ADAMTS14: variants seen among roughly 807,000 people sequenced by gnomAD.
ADAMTS14 encodes the protein ADAM metallopeptidase with thrombospondin type 1 motif 14, also known as A disintegrin and metalloproteinase with thrombospondin motifs 14.
In ADAMTS14, 100 loss-of-function variants were observed where a neutral mutation model predicts 128.6. The observed-to-expected ratio is 0.78, with a 90% CI of 0.66 to 0.92. The LOEUF (loss-of-function observed/expected upper bound fraction) is 0.92, where lower values mean the gene tolerates loss of function less well. ADAMTS14 is among the 40% of genes least tolerant of loss of function. The pLI is 0.00. For missense variants in ADAMTS14, 1,562 were observed against 1,658.6 expected, an observed-to-expected ratio of 0.94 and a Z score of 1.01; for synonymous variants, 665 against 653.8, an observed-to-expected ratio of 1.02 and a Z score of -0.26.
intron 6 of ADAMTS14, among the ~76,000 whole-genome samples, chr10:70,731,225 A>G (rs1007786419): frequency 2.0e-5 from 3 of 152,088 alleles, no homozygotes; most frequent in Non-Finnish European, 4.4e-5. Context: ...GAGACACTGC[A>G]TACATGTAGA....
At chr10:70,689,651 T>C (rs373788991) in intron 2 of ADAMTS14, among the ~76,000 whole-genome samples, 1 of 145,666 alleles carries the variant, frequency 6.9e-6, no homozygotes, top group East Asian at 1.9e-4. Context: ...CTCCTGTCTC[T>C]CCCAGATGAT....
chr10:70,689,156 GC>G (rs1210934683), intron 2 of ADAMTS14, among the ~76,000 whole-genome samples: 2 of 142,954 alleles, frequency 1.4e-5, no homozygotes, highest in African/African-American at 4.9e-5. Context: ...CATAGTCCCC[GC>G]GTAGGGAGAT....
intron 4 of ADAMTS14, among the ~76,000 whole-genome samples, chr10:70,720,174 C>G (rs1014800313): frequency 3.9e-5 from 6 of 152,194 alleles, no homozygotes; most frequent in African/African-American, 1.4e-4. Flanking sequence ...GACAGTCACC[C>G]TTTAAGAGGT....
intron 15 of ADAMTS14, among the ~76,000 whole-genome samples, chr10:70,746,440 G>A (rs1842180082): frequency 6.6e-6 from 1 of 152,180 alleles, no homozygotes; most frequent in African/African-American, 2.4e-5. Flanking sequence ...GAGGCATGAC[G>A]GCTAATGGGT....
Position 70,760,833 on chromosome 10 carries a change from G to T in ADAMTS14, c.3652G>T (p.Ala1218Ser). ...GAGACATCCCGGCACCAGCCTCCCT[G>T]CTGCCTCCCCGGTGACATGAGCTGT... ...DLRHPGTSLP[A>S]ASPVT Residue 1218 changes from alanine (A) to serine (S), a missense_variant, in exon 22 of 22, where the codon GCT (alanine) becomes TCT (serine). By Grantham distance (99) the Ala-to-Ser change is moderately conservative. Coordinates refer to ENST00000373207, the MANE Select transcript of ADAMTS14 (RefSeq NM_080722.4). The T allele has an allele frequency of 6.3e-7, 1 of 1,580,244 alleles. No homozygotes were observed. Among genetic ancestry groups the T allele is most frequent in the Non-Finnish European group, 8.6e-7 (1 of 1,160,748 alleles).
At chr10:70,758,360 A>AAAGGTCTAGG in intron 21 of ADAMTS14, 75 bp downstream of exon 21, 2 of 1,356,856 alleles carry the variant, frequency 1.5e-6, no homozygotes, top group Non-Finnish European at 2.0e-6. Flanking sequence ...TGGGCCACTC[A>AAAGGTCTAGG]GTGGAGCAAA....
chr10:70,683,835 C>G (rs988603262), intron 2 of ADAMTS14, among the ~76,000 whole-genome samples: 1 of 152,146 alleles, frequency 6.6e-6, no homozygotes, highest in Admixed American at 6.5e-5. Flanking sequence ...CCTCAGTTCT[C>G]TCTGTGGCCA....
intron 2 of ADAMTS14, among the ~76,000 whole-genome samples, chr10:70,693,557 T>A (rs1235448171): frequency 1.3e-5 from 2 of 152,190 alleles, no homozygotes; most frequent in Non-Finnish European, 2.9e-5. Context: ...AAGATGGTTG[T>A]GGTTATAATC....
chr10:70,685,574 G>A (rs1839929371), intron 2 of ADAMTS14, among the ~76,000 whole-genome samples: 1 of 152,136 alleles, frequency 6.6e-6, no homozygotes, highest in African/African-American at 2.4e-5. Flanking sequence ...GGCTCAAGTT[G>A]GGGAGGAGAT....
At chr10:70,714,354 G>T (rs1025404960) in intron 4 of ADAMTS14, among the ~76,000 whole-genome samples, 1 of 152,172 alleles carries the variant, frequency 6.6e-6, no homozygotes, top group Non-Finnish European at 1.5e-5. Flanking sequence ...AGAAACTGGC[G>T]TGCAGAGACA....
At chr10:70,734,677 A>G (rs749303410) in intron 8 of ADAMTS14, among the ~76,000 whole-genome samples, 2 of 152,188 alleles carry the variant, frequency 1.3e-5, no homozygotes, top group African/African-American at 2.4e-5. Flanking sequence ...GAGGCCTGAG[A>G]ATGGGAGGCC....
At chr10:70,724,147 G>T (rs1052851621) in intron 4 of ADAMTS14, among the ~76,000 whole-genome samples, 1 of 152,200 alleles carries the variant, frequency 6.6e-6, no homozygotes, top group African/African-American at 2.4e-5. Context: ...CTCTTGTGCT[G>T]CCTTTTCTTC....
chr10:70,730,450 G>A (rs113630997), intron 6 of ADAMTS14, among the ~76,000 whole-genome samples: 5 of 152,192 alleles, frequency 3.3e-5, no homozygotes, highest in Admixed American at 6.5e-5. Context: ...TCTTGTCCCC[G>A]ATATTTTGGT....
At chr10:70,750,870 A>G (rs1842329193) in intron 16 of ADAMTS14, among the ~76,000 whole-genome samples, 1 of 152,352 alleles carries the variant, frequency 6.6e-6, no homozygotes, top group Middle Eastern at 3.4e-3. Flanking sequence ...AAAGACCTAG[A>G]TATAAGAGCT....
At position 70,738,837 on chromosome 10, in the gene ADAMTS14, C is replaced by T; in HGVS notation, c.1600-5C>T. ...GGTGACCTCATGCCCTCTGCTCTGC[C>T]CCAGTGGTGCTTCAAAGGTCACTGC... On this transcript the variant is annotated splice_region_variant and splice_polypyrimidine_tract_variant and intron_variant, in intron 10 of 21. Coordinates refer to ENST00000373207, the MANE Select transcript of ADAMTS14 (RefSeq NM_080722.4). The T allele has an allele frequency of 1.2e-6, 2 of 1,613,952 alleles. No individual in the cohort carries two copies. Among genetic ancestry groups the T allele is most frequent in the Non-Finnish European group, 1.7e-6 (2 of 1,180,014 alleles).
chr10:70,686,015 T>A (rs1839941253), intron 2 of ADAMTS14, among the ~76,000 whole-genome samples: 1 of 152,240 alleles, frequency 6.6e-6, no homozygotes, highest in Admixed American at 6.5e-5. Flanking sequence ...CAGACTCAAG[T>A]CACCAGTGCT....
intron 4 of ADAMTS14, 24 bp downstream of exon 4, chr10:70,708,802 C>A: frequency 1.8e-6 from 1 of 550,796 alleles, no homozygotes; most frequent in Non-Finnish European, 3.3e-6. Flanking sequence ...TGTCCTAGGA[C>A]TTGGGGGGAG....
intron 2 of ADAMTS14, among the ~76,000 whole-genome samples, chr10:70,685,690 T>C (rs1373949635): frequency 6.6e-6 from 1 of 152,164 alleles, no homozygotes; most frequent in Non-Finnish European, 1.5e-5. Flanking sequence ...CAGCCTCTCC[T>C]GTCAGTGGAA....
At chr10:70,746,254 A>G (rs1842174618) in intron 15 of ADAMTS14, among the ~76,000 whole-genome samples, 1 of 152,232 alleles carries the variant, frequency 6.6e-6, no homozygotes, top group African/African-American at 2.4e-5. Context: ...ATTAAAAATG[A>G]GAATACCACA....
Sources: gnomAD v4.1 joint callset for allele counts (sites outside exome capture counted in the v4.1 genomes callset) on GRCh38, gnomAD v4.1.1 for gene constraint, MANE v1.5 for transcripts, NCBI Gene and HGNC (gene_info 2026-07-23, HGNC 2026-07-21) for gene names.